Variants in SLC13A5 observed in about 807,000 individuals in gnomAD.
SLC13A5 encodes Na(+)/citrate cotransporter.
A neutral mutation model predicts 56.5 loss-of-function variants in SLC13A5; 25 were observed. That is an observed-to-expected ratio of 0.44 (90% confidence interval 0.32 to 0.62). The LOEUF (loss-of-function observed/expected upper bound fraction) is 0.62, where lower values mean the gene tolerates loss of function less well. Ranked by LOEUF, SLC13A5 falls within the 20% of genes least tolerant of loss-of-function variation. The pLI is 0.04. For synonymous variants in SLC13A5, 307 were observed against 301.5 expected (o/e 1.02, Z -0.19); for missense variants, 649 against 737.8 (o/e 0.88, Z 1.39).
At chr17:6,696,354 C>T (rs1317679025) in intron 6 of SLC13A5, among the ~76,000 whole-genome samples, 1 of 152,190 alleles carries the variant, frequency 6.6e-6, no homozygotes, top group Non-Finnish European at 1.5e-5. Flanking sequence ...ACCAAGGTGG[C>T]TCAGGGAGAT....
chr17:6,703,017 G>T lies in SLC13A5; in HGVS notation c.669C>A (p.Thr223=), dbSNP rs1425515226. 6.2e-7 allele frequency: 1 copy of T among 1,614,230 alleles called. No individual in the cohort carries two copies. Among genetic ancestry groups the T allele is most frequent in the African/African-American group, 1.3e-5 (1 of 75,072 alleles). Residue 223 remains threonine, a synonymous_variant, in exon 5 of 12, where the codon ACC becomes ACA. Transcript: ENST00000433363. The part of the protein sequence containing the change: ...CYAASIGGTA[T]LTGTGPNVVL... ...CCACGTTGGGTCCCGTCCCGGTCAG[G>T]GTGGCGGTGCCCCCGATGCTGGCCG... is the stretch of plus-strand genomic sequence containing the variant.
rs1973444634 is a variant in SLC13A5 at position 6,692,711 on chromosome 17, G to A, written c.1275+333C>T. ...GTAGCAAACAATATTGACAAGGATTGGAAAGAAAGATTTCCCTCAGACAAA... is the reference window on the plus strand; with the variant it reads ...GTAGCAAACAATATTGACAAGGATTAGAAAGAAAGATTTCCCTCAGACAAA... On this transcript the variant is annotated intron_variant, in intron 9 of 11. Coordinates refer to ENST00000433363, the MANE Select transcript of SLC13A5 (RefSeq NM_177550.5). The surrounding 1 kb of genome is among the most constrained non-coding windows in gnomAD (Gnocchi z 5.5). 6.6e-6 allele frequency among the ~76,000 whole-genome samples: 1 copy of A among 152,204 alleles called. No homozygotes were observed. The highest frequency in any genetic ancestry group is 2.4e-5 in the African/African-American group (1 of 41,446).
In SLC13A5 at chr17:6,684,793, C is replaced by G. The variant is rs1973194828; in HGVS notation, c.*1414G>C. 1 of 152,212 alleles carries G rather than the reference C, an allele frequency of 6.6e-6. No homozygotes were observed. The highest frequency in any genetic ancestry group is 1.5e-5 in the Non-Finnish European group (1 of 68,052). The allele number at this position is 152,212 out of a possible 1,614,324, so 9.4% of individuals were successfully genotyped here. A position where few individuals can be genotyped will look rare whatever the true frequency, so the allele number is the denominator to read the frequency against. ...GTCAGGAATCGTCCCACCCAAGGAACCAGACACATACTCGGTCCTTGATGG... is the reference window on the plus strand; with the variant it reads ...GTCAGGAATCGTCCCACCCAAGGAAGCAGACACATACTCGGTCCTTGATGG... On this transcript the variant is annotated 3_prime_UTR_variant, in exon 12 of 12. Transcript: ENST00000433363.
At chr17:6,690,973 G>T in intron 9 of SLC13A5, 33 bp from the exon 10 acceptor site, 1 of 1,571,668 alleles carries the variant, frequency 6.4e-7, no homozygotes, top group Non-Finnish European at 8.6e-7. Flanking sequence ...TCATCTCAGC[G>T]CTCCCAGCTT....
chr17:6,712,008 T>C (rs951702636), intron 1 of SLC13A5, among the ~76,000 whole-genome samples: 2 of 152,148 alleles, frequency 1.3e-5, no homozygotes, highest in Non-Finnish European at 2.9e-5. Flanking sequence ...TCCCCCATCC[T>C]AGGAACTAAC....
At chr17:6,690,060 GCAAAAAA>G (rs1398851452) in intron 10 of SLC13A5, 41 of 7,944 alleles carry the variant, frequency 5.2e-3, no homozygotes, top group Middle Eastern at 0.062. Flanking sequence ...AGAAGGAAAT[GCAAAAAA>G]AAAAAAAAAA....
rs750657841 is a variant in SLC13A5, at chr17:6,695,948, A to G, written c.840-7T>C. On this transcript the variant is annotated splice_polypyrimidine_tract_variant and splice_region_variant and intron_variant, in intron 6 of 11. Coordinates refer to ENST00000433363, the MANE Select transcript of SLC13A5 (RefSeq NM_177550.5). ...GCCCCAGGACTTTTTAAAACTGGAGAATGCAAAGATGAGAGAAGGGCAGGG... is the reference window on the plus strand; with the variant it reads ...GCCCCAGGACTTTTTAAAACTGGAGGATGCAAAGATGAGAGAAGGGCAGGG... 3 of 1,613,408 alleles carry G rather than the reference A, an allele frequency of 1.9e-6. No individual in the cohort carries two copies. Among genetic ancestry groups the G allele is most frequent in the South Asian group, 2.2e-5 (2 of 91,054 alleles).
rs117273112 is a variant in SLC13A5, at chr17:6,703,474, G to T, written c.548-336C>A. Among the ~76,000 whole-genome samples the T allele has an allele frequency of 2.1e-4, 32 of 152,308 alleles. No individual in the cohort carries two copies. The East Asian group carries it at 5.4e-3, about 26-fold the overall frequency. On this transcript the variant is annotated intron_variant, in intron 4 of 11. Transcript: ENST00000433363. ...CCTAGCAGGGAAGCAAGCATGGGAC[G>T]CCAAGCCCCAGACCTATGGGAGCAG...
rs1019467148 is a variant in SLC13A5, at chr17:6,687,414, G to A, written c.1575+115C>T. 23 of 1,419,002 alleles carry A rather than the reference G, an allele frequency of 1.6e-5. No homozygotes were observed. The East Asian group carries it at 1.8e-4, about 11-fold the overall frequency. 87.9% of individuals were successfully genotyped at this position (1,419,002 alleles called of 1,614,324 possible). A position where few individuals can be genotyped will look rare whatever the true frequency, so the allele number is the denominator to read the frequency against. ...CAATGGCTACAGGTCTGGATGTTCC[G>A]TGGCATTCCCAAGTCACATGACATC... On this transcript the variant is annotated intron_variant, in intron 11 of 11. Coordinates refer to ENST00000433363, the MANE Select transcript of SLC13A5 (RefSeq NM_177550.5). This position sits in a 1 kb window ranked among gnomAD's most constrained non-coding sequence, Gnocchi z 5.0.
intron 6 of SLC13A5, among the ~76,000 whole-genome samples, chr17:6,696,768 T>C (rs1057346505): frequency 9.9e-5 from 15 of 151,962 alleles, no homozygotes; most frequent in African/African-American, 3.6e-4. Flanking sequence ...TTTGAAGGGG[T>C]GGGCAAGGCC....
Position 6,713,265 on chromosome 17 carries a change from C to A in SLC13A5, c.69G>T (p.Leu23=), listed in dbSNP as rs1280438112. The change falls in exon 1 of 12, where the codon CTG becomes CTT. Residue 23 remains leucine, a synonymous_variant. Transcript: ENST00000433363. The surrounding 1 kb of genome is among the most constrained non-coding windows in gnomAD (Gnocchi z 7.3). ...GCATCAGAATGACGAGTGGCAGCAGCAGGAGCGGGGTGACGAACAAGATCA... is the reference window on the plus strand; with the variant it reads ...GCATCAGAATGACGAGTGGCAGCAGAAGGAGCGGGGTGACGAACAAGATCA... ...SFVILFVTPL[L]LLPLVILMPA... 6.2e-7 allele frequency: 1 copy of A among 1,613,882 alleles called. No homozygotes were observed. Among genetic ancestry groups the A allele is most frequent in the Non-Finnish European group, 8.5e-7 (1 of 1,179,950 alleles).
chr17:6,691,333 C>G (rs1419968827), intron 9 of SLC13A5, among the ~76,000 whole-genome samples: 1 of 152,222 alleles, frequency 6.6e-6, no homozygotes, highest in Non-Finnish European at 1.5e-5. Flanking sequence ...AGTCATGCTG[C>G]CGGTCTCTGT....
chr17:6,693,802 C>CA (rs1257761389), intron 8 of SLC13A5, among the ~76,000 whole-genome samples: 4 of 152,016 alleles, frequency 2.6e-5, no homozygotes, highest in Non-Finnish European at 4.4e-5. Context: ...AGAGAGAAAA[C>CA]AAAAAATTGT....
In SLC13A5 at chr17:6,695,942, C is replaced by T. The variant is rs1326049170; in HGVS notation, c.840-1G>A. On this transcript the variant is annotated splice_acceptor_variant, in intron 6 of 11. Coordinates refer to ENST00000433363, the MANE Select transcript of SLC13A5 (RefSeq NM_177550.5). LOFTEE classifies it high-confidence loss of function. ...CCCGCAGCCCCAGGACTTTTTAAAA[C>T]TGGAGAATGCAAAGATGAGAGAAGG... is the stretch of plus-strand genomic sequence containing the variant. 1 of 1,613,530 alleles carries T rather than the reference C, an allele frequency of 6.2e-7. No individual in the cohort carries two copies. The highest frequency in any genetic ancestry group is 1.1e-5 in the South Asian group (1 of 91,060).
At position 6,701,240 on chromosome 17, in the gene SLC13A5, C is replaced by T. The variant is rs1973705655; in HGVS notation, c.717-114G>A. 2 of 1,440,402 alleles carry T rather than the reference C, an allele frequency of 1.4e-6. No individual in the cohort carries two copies. The highest frequency in any genetic ancestry group is 1.4e-5 in the African/African-American group (1 of 70,728). The allele number at this position is 1,440,402 out of a possible 1,614,324, so 89.2% of individuals were successfully genotyped here. On this transcript the variant is annotated intron_variant, in intron 5 of 11. Transcript: ENST00000433363. The surrounding 1 kb of genome is among the most constrained non-coding windows in gnomAD (Gnocchi z 4.1). ...CTGAGAGGCGCGCCTGTGTGGAGGC[C>T]ACATCCTCCTGAGGTCTAGCCACCA...
intron 1 of SLC13A5, among the ~76,000 whole-genome samples, chr17:6,709,251 ATT>A (rs1973953622): frequency 2.0e-5 from 3 of 150,732 alleles, no homozygotes; most frequent in Non-Finnish European, 4.4e-5. Context: ...TTGCTTATTT[ATT>A]TATTTATTTA....
chr17:6,695,676 C>A, intron 7 of SLC13A5, 50 bp downstream of exon 7: 1 of 1,592,416 alleles, frequency 6.3e-7, no homozygotes, highest in Non-Finnish European at 8.6e-7. Flanking sequence ...CATGTGTGAG[C>A]CAACGCGCCT....
intron 6 of SLC13A5, 146 bp downstream of exon 6, chr17:6,700,858 G>A: frequency 3.3e-6 from 4 of 1,195,882 alleles, no homozygotes; most frequent in Non-Finnish European, 4.7e-6. Context: ...GAAGGAACAG[G>A]AGGGCAGACT....
At chr17:6,697,473 T>G (rs1973592635) in intron 6 of SLC13A5, among the ~76,000 whole-genome samples, 2 of 152,224 alleles carry the variant, frequency 1.3e-5, no homozygotes, top group Admixed American at 1.3e-4. Flanking sequence ...ATCTCTGGGT[T>G]AATTTCATCT....
Sources: allele counts gnomAD v4.1 joint callset (sites outside exome capture counted in the v4.1 genomes callset), GRCh38; gene constraint gnomAD v4.1.1; non-coding constraint Gnocchi (gnomAD v3.1); transcripts MANE v1.5; gene names NCBI Gene and HGNC (gene_info 2026-07-23, HGNC 2026-07-21).